The following PNPLA7 variants were observed in gnomAD, a reference collection of about 807,000 sequenced individuals.
PNPLA7 encodes the protein patatin like domain 7, lysophospholipase, also known as patatin-like phospholipase domain-containing protein 7.
Under a neutral mutation model 161.7 loss-of-function variants are expected in PNPLA7, and 153 were observed. The observed-to-expected ratio is 0.95, with a 90% confidence interval of 0.83 to 1.08. PNPLA7 has a LOEUF of 1.08. PNPLA7 is among the 50% of genes least tolerant of loss of function. The probability of loss-of-function intolerance (pLI) is 0.00; values close to 1 mark genes in which losing one functional copy is unlikely to be tolerated. For synonymous variants in PNPLA7, 809 were observed against 782.1 expected (o/e 1.03, Z -0.57); for missense variants, 1,739 against 1,856.6 (o/e 0.94, Z 1.16).
Position 137,547,005 on chromosome 9 carries a change from T to G in PNPLA7, c.194-96A>C. 8.5e-7 allele frequency: 1 copy of G among 1,177,588 alleles called. No homozygotes were observed. The highest frequency in any genetic ancestry group is 1.2e-6 in the Non-Finnish European group (1 of 802,588). 72.9% of individuals were successfully genotyped at this position (1,177,588 alleles called of 1,614,324 possible). On this transcript the variant is annotated intron_variant, in intron 3 of 34. Transcript: ENST00000406427. The surrounding 1 kb of genome is among the most constrained non-coding windows in gnomAD (Gnocchi z 4.6). ...GCACAGTCAGTCATACTCTCGTCCC[T>G]GCCAGTAACTGGCCATACTCAGACA... is the stretch of plus-strand genomic sequence containing the variant.
chr9:137,466,135 G>A (rs1040197809), intron 26 of PNPLA7, among the ~76,000 whole-genome samples: 2 of 152,252 alleles, frequency 1.3e-5, no homozygotes, highest in South Asian at 2.1e-4. Context: ...GGCCCCCAGC[G>A]TGCCTGAAGG....
intron 4 of PNPLA7, 80 bp downstream of exon 4, chr9:137,546,750 G>T (rs960200777): frequency 7.5e-7 from 1 of 1,340,080 alleles, no homozygotes; most frequent in Non-Finnish European, 1.1e-6. Flanking sequence ...GCCTGGGGGA[G>T]CCCACAGCAG....
At chr9:137,460,790 C>A in intron 33 of PNPLA7, 53 bp from the exon 34 acceptor site, 2 of 1,507,602 alleles carry the variant, frequency 1.3e-6, no homozygotes, top group Non-Finnish European at 1.8e-6. Flanking sequence ...GGGACCGTAC[C>A]CAGCATAGCC....
chr9:137,508,945 G>A (rs575367963), intron 12 of PNPLA7: 15 of 152,344 alleles, frequency 9.8e-5, no homozygotes, highest in African/African-American at 3.6e-4. Context: ...CAAGGTGCTC[G>A]GCCTCACAGT....
chr9:137,485,117 C>T (rs552679058), intron 20 of PNPLA7, among the ~76,000 whole-genome samples: 28 of 152,378 alleles, frequency 1.8e-4, no homozygotes, highest in Non-Finnish European at 3.2e-4. Context: ...CCCAGCTCTT[C>T]CTGATGAGCT....
rs1322303124 is a variant in PNPLA7, at chr9:137,467,006, C to T, written c.3039+311G>A. On this transcript the variant is annotated intron_variant, in intron 26 of 34. Transcript: ENST00000406427. This position sits in a 1 kb window ranked among gnomAD's most constrained non-coding sequence, Gnocchi z 5.1. ...GTCTCCACCATCTCAGACCCGTGCA[C>T]AGATCAGACCGCCTCCCACCACCGT... Among the ~76,000 whole-genome samples, 5 of 148,952 alleles carry T rather than the reference C, an allele frequency of 3.4e-5. No individual in the cohort carries two copies. The highest frequency in any genetic ancestry group is 1.3e-4 in the African/African-American group (5 of 39,314).
intron 12 of PNPLA7, among the ~76,000 whole-genome samples, chr9:137,507,530 G>A (rs541178686): frequency 1.6e-4 from 25 of 152,164 alleles, no homozygotes; most frequent in African/African-American, 2.4e-4. Flanking sequence ...TTAGCCGGGC[G>A]TGGTGGCACA....
chr9:137,519,398 GGCCAAGCACGCA>G (rs146968148), intron 11 of PNPLA7, among the ~76,000 whole-genome samples: 17,416 of 152,252 alleles, frequency 0.11, 1,018 homozygotes, highest in East Asian at 0.21. Context: ...ACCTGGCCCA[GGCCAAGCACGCA>G]GGGAGAATTC....
At chr9:137,532,505 G>C (rs898281287) in intron 8 of PNPLA7, among the ~76,000 whole-genome samples, 4 of 152,162 alleles carry the variant, frequency 2.6e-5, no homozygotes, top group Admixed American at 6.5e-5. Flanking sequence ...GCTTATCTCT[G>C]CTCTCTTAAA....
intron 8 of PNPLA7, among the ~76,000 whole-genome samples, chr9:137,531,136 G>T (rs1400944251): frequency 6.6e-6 from 1 of 152,066 alleles, no homozygotes; most frequent in Admixed American, 6.6e-5. Context: ...CACAAGCACA[G>T]AACGGTTGAG....
At chr9:137,505,055 C>T (rs1290120196) in intron 14 of PNPLA7, among the ~76,000 whole-genome samples, 2 of 151,474 alleles carry the variant, frequency 1.3e-5, no homozygotes, top group African/African-American at 2.4e-5. Flanking sequence ...CAGGTGTGGT[C>T]GTGGGCGCCT....
chr9:137,479,153 C>A lies in PNPLA7; in HGVS notation c.2666G>T (p.Arg889Leu), dbSNP rs773323384. The stretch of plus-strand genomic sequence containing the variant: ...CCGCATGTTGAGCCACTCCACGGTG[C>A]GCGCTGGCGCCGGGCCCTCCTCCCT... Reference protein sequence around the residue: ...LHREEGPAPARTVEWLNMRSW... With the variant: ...LHREEGPAPALTVEWLNMRSW... The change falls in exon 24 of 35, where the codon CGC becomes CTC. Residue 889 changes from arginine to leucine, a missense_variant. Physicochemically the swap from Arg to Leu is moderately radical, Grantham distance 102. Around this residue, in one of 6 missense-constraint regions of PNPLA7, gnomAD observed 703 missense variants for 694.6 expected, o/e 1.01. Transcript: ENST00000406427. 6 of 1,579,104 alleles carry A rather than the reference C, an allele frequency of 3.8e-6. No homozygotes were observed. Among genetic ancestry groups the A allele is most frequent in the Non-Finnish European group, 5.2e-6 (6 of 1,163,748 alleles).
chr9:137,501,846 G>A (rs558457638), intron 14 of PNPLA7, 119 bp from the exon 15 acceptor site: 404 of 1,015,816 alleles, frequency 4.0e-4, no homozygotes, highest in Admixed American at 7.7e-4. Context: ...GCCGGGCAAG[G>A]CCCTCCTCCG....
chr9:137,516,499 A>G, intron 11 of PNPLA7: 1 of 985,360 alleles, frequency 1.0e-6, no homozygotes, highest in Non-Finnish European at 1.2e-6. Flanking sequence ...CATTCAGGCA[A>G]TGACACATAC....
chr9:137,518,760 A>G (rs1333770544), intron 11 of PNPLA7, among the ~76,000 whole-genome samples: 12 of 16,206 alleles, frequency 7.4e-4, no homozygotes, highest in South Asian at 4.0e-3. Context: ...CCACTCACTC[A>G]CTCCACTCTG....
chr9:137,476,939 G>A lies in PNPLA7; in HGVS notation c.2882+1095C>T, dbSNP rs1057238283. Among the ~76,000 whole-genome samples, 3 of 152,254 alleles carry A rather than the reference G, an allele frequency of 2.0e-5. No homozygotes were observed. The highest frequency in any genetic ancestry group is 7.2e-5 in the African/African-American group (3 of 41,474). ...ACCTCATCACCTAGAACAGCCCCAG[G>A]CTGACAGGGCCCTGCCCTGGGGCCA... On this transcript the variant is annotated intron_variant, in intron 25 of 34. Transcript: ENST00000406427. The surrounding 1 kb of genome is among the most constrained non-coding windows in gnomAD (Gnocchi z 4.5).
chr9:137,532,555 T>C (rs1325593763), intron 8 of PNPLA7, among the ~76,000 whole-genome samples: 1 of 151,784 alleles, frequency 6.6e-6, no homozygotes, highest in Non-Finnish European at 1.5e-5. Context: ...AAGCTAAGAG[T>C]AGATAAAAAA....
chr9:137,517,767 C>T (rs1289831164), intron 11 of PNPLA7, among the ~76,000 whole-genome samples: 2 of 34,170 alleles, frequency 5.9e-5, no homozygotes, highest in Admixed American at 1.9e-4. Flanking sequence ...TCCACTCTGT[C>T]CACTCCATCC....
rs537936011 is a variant in PNPLA7, at chr9:137,486,402, G to A, written c.2198-1666C>T. ...ACAGCCGGCAATCATGTGCTCACAG[G>A]AAAATAGCTGATGACGTGCTGCTGA... On this transcript the variant is annotated intron_variant, in intron 20 of 34. Transcript: ENST00000406427. The surrounding 1 kb of genome is among the most constrained non-coding windows in gnomAD (Gnocchi z 6.0). Among the ~76,000 whole-genome samples the A allele has an allele frequency of 2.0e-5, 3 of 152,306 alleles. No individual in the cohort carries two copies. The highest frequency in any genetic ancestry group is 7.2e-5 in the African/African-American group (3 of 41,572).
Sources: allele counts gnomAD v4.1 joint callset (sites outside exome capture counted in the v4.1 genomes callset), GRCh38; gene constraint gnomAD v4.1.1; regional missense constraint gnomAD v4.1.1; non-coding constraint Gnocchi (gnomAD v3.1); transcripts MANE v1.5; gene names NCBI Gene and HGNC (gene_info 2026-07-23, HGNC 2026-07-21).